Variants in PUM1 observed in about 807,000 individuals in gnomAD.
PUM1 encodes the protein pumilio homolog 1.
Under a neutral mutation model 131.8 loss-of-function variants are expected in PUM1, and 13 were observed. The ratio of observed to expected loss-of-function variants is 0.10; its 90% CI spans 0.06 to 0.16. The LOEUF (loss-of-function observed/expected upper bound fraction) is 0.16, where lower values mean the gene tolerates loss of function less well. PUM1 is among the 10% of genes least tolerant of loss of function. The pLI is 1.00. For missense variants in PUM1, 961 were observed against 1,512.4 expected (o/e 0.64, Z 6.05); for synonymous variants, 509 against 556.5 (o/e 0.91, Z 1.20).
intron 1 of PUM1, among the ~76,000 whole-genome samples, chr1:31,061,382 C>A (rs1350861902): frequency 6.6e-6 from 1 of 152,038 alleles, no homozygotes; most frequent in African/African-American, 2.4e-5. Context: ...CTTTGGGAGG[C>A]CGAGGCGGGT....
chr1:30,985,685 C>T (rs952655166), intron 7 of PUM1, among the ~76,000 whole-genome samples: 12 of 150,822 alleles, frequency 8.0e-5, no homozygotes, highest in Non-Finnish European at 1.6e-4. Context: ...AAAATCTCAC[C>T]GCACCAGGAC....
intron 5 of PUM1, among the ~76,000 whole-genome samples, chr1:30,997,138 G>A (rs1642007962): frequency 6.6e-6 from 1 of 152,170 alleles, no homozygotes; most frequent in African/African-American, 2.4e-5. Context: ...ATCTTCCGCA[G>A]TCTACAAATC....
chr1:30,937,837 C>T (rs906805299), intron 20 of PUM1, among the ~76,000 whole-genome samples: 1 of 151,964 alleles, frequency 6.6e-6, no homozygotes, highest in Non-Finnish European at 1.5e-5. Flanking sequence ...GGCATGATCT[C>T]GGCTCACTGC....
At chr1:30,978,805 A>G (rs1417375958) in intron 9 of PUM1, among the ~76,000 whole-genome samples, 1 of 152,154 alleles carries the variant, frequency 6.6e-6, no homozygotes, top group African/African-American at 2.4e-5. Context: ...GGGAAAGAAA[A>G]AAACACTCAT....
intron 12 of PUM1, 31 bp from the exon 13 acceptor site, chr1:30,966,309 T>C (rs1640617456): frequency 1.3e-6 from 2 of 1,535,616 alleles, no homozygotes; most frequent in Non-Finnish European, 1.8e-6. Context: ...CGTTTGGCTA[T>C]GAAAGGGACT....
intron 2 of PUM1, among the ~76,000 whole-genome samples, chr1:31,046,611 G>T (rs61224920): frequency 6.7e-6 from 1 of 149,424 alleles, no homozygotes; most frequent in Non-Finnish European, 1.5e-5. Context: ...GGGTTCAAGC[G>T]ATTCTCCTGC....
intron 10 of PUM1, among the ~76,000 whole-genome samples, chr1:30,968,900 G>A (rs1335030592): frequency 6.6e-6 from 1 of 152,168 alleles, no homozygotes; most frequent in Non-Finnish European, 1.5e-5. Flanking sequence ...CAATGAACAA[G>A]ACCGACAAAG....
intron 7 of PUM1, among the ~76,000 whole-genome samples, chr1:30,990,633 G>A (rs1046154584): frequency 3.3e-5 from 5 of 151,376 alleles, no homozygotes; most frequent in South Asian, 2.1e-4. Context: ...GGAGGCTTAC[G>A]CCAGTGGTTC....
intron 10 of PUM1, chr1:30,973,221 C>T (rs997432672): frequency 7.8e-6 from 1 of 127,806 alleles, no homozygotes; most frequent in Non-Finnish European, 1.7e-5. Flanking sequence ...ATTTCAAGAC[C>T]TGTTTTTTTT....
intron 3 of PUM1, among the ~76,000 whole-genome samples, chr1:31,011,559 C>T (rs1570268271): frequency 1.3e-5 from 2 of 152,158 alleles, no homozygotes; most frequent in Non-Finnish European, 1.5e-5. Flanking sequence ...AATTATAAAA[C>T]CAAATGATAA....
intron 2 of PUM1, among the ~76,000 whole-genome samples, chr1:31,048,481 T>A (rs1014338220): frequency 2.6e-5 from 4 of 151,184 alleles, no homozygotes; most frequent in African/African-American, 7.3e-5. Flanking sequence ...TTATTTTTTT[T>A]ATTTTTTTTT....
chr1:31,038,982 A>ATTTT (rs1172043445), intron 2 of PUM1, among the ~76,000 whole-genome samples: 3 of 27,978 alleles, frequency 1.1e-4, no homozygotes, highest in African/African-American at 1.0e-3. Flanking sequence ...ATATATATAT[A>ATTTT]TATTTTTTTT....
chr1:30,949,014 C>A (rs1247287210), intron 17 of PUM1: 2 of 445,718 alleles, frequency 4.5e-6, no homozygotes, highest in African/African-American at 2.0e-5. Context: ...TGAAACTTAT[C>A]ACTTTAAAAA....
At chr1:30,938,212 T>C (rs1348467975) in intron 20 of PUM1, among the ~76,000 whole-genome samples, 1 of 152,160 alleles carries the variant, frequency 6.6e-6, no homozygotes, top group Admixed American at 6.5e-5. Flanking sequence ...CTTTCAGACA[T>C]TTTTGATGGT....
intron 20 of PUM1, among the ~76,000 whole-genome samples, chr1:30,937,505 G>C (rs577507565): frequency 2.6e-5 from 4 of 151,958 alleles, no homozygotes; most frequent in Non-Finnish European, 5.9e-5. Flanking sequence ...ACTCCATCTC[G>C]AACTCCTGAC....
intron 15 of PUM1, 118 bp downstream of exon 15, chr1:30,953,596 A>C: frequency 9.2e-7 from 1 of 1,081,418 alleles, no homozygotes; most frequent in Non-Finnish European, 1.4e-6. Flanking sequence ...GCAAACTAAG[A>C]GGCACGCTTT....
At chr1:30,960,727 T>C (rs1046458924) in intron 14 of PUM1, among the ~76,000 whole-genome samples, 6 of 152,146 alleles carry the variant, frequency 3.9e-5, no homozygotes, top group South Asian at 4.1e-4. Flanking sequence ...CAAAGGAAAA[T>C]GGTGCTAGGA....
At chr1:31,046,341 G>A (rs891256334) in intron 2 of PUM1, among the ~76,000 whole-genome samples, 3 of 152,064 alleles carry the variant, frequency 2.0e-5, no homozygotes, top group Admixed American at 6.6e-5. Context: ...AGCCGAAATC[G>A]TGCCACTGCA....
At chr1:31,032,805 T>G (rs1277092833) in intron 2 of PUM1, among the ~76,000 whole-genome samples, 6 of 151,914 alleles carry the variant, frequency 3.9e-5, no homozygotes, top group African/African-American at 1.5e-4. Context: ...AGACCCTGTT[T>G]CAAAAATAAA....
Sources: gnomAD v4.1 joint callset for allele counts (sites outside exome capture counted in the v4.1 genomes callset) on GRCh38, gnomAD v4.1.1 for gene constraint, MANE v1.5 for transcripts, NCBI Gene and HGNC (gene_info 2026-07-23, HGNC 2026-07-21) for gene names.